Variants in MEF2C observed in about 807,000 individuals in gnomAD.
The protein encoded by MEF2C is myocyte-specific enhancer factor 2C.
Under a neutral mutation model 50.5 loss-of-function variants are expected in MEF2C, and 6 were observed. The observed-to-expected ratio is 0.12, with a 90% CI of 0.07 to 0.23. The LOEUF (loss-of-function observed/expected upper bound fraction) is 0.23. MEF2C is among the 10% of genes least tolerant of loss of function. MEF2C has a pLI of 1.00. For synonymous variants in MEF2C, 183 were observed against 228.0 expected (o/e 0.80, Z 1.78); for missense variants, 276 against 605.0 (o/e 0.46, Z 5.70).
At chr5:88,845,075 GAT>G (rs1176440584) in intron 1 of MEF2C, among the ~76,000 whole-genome samples, 1 of 152,156 alleles carries the variant, frequency 6.6e-6, no homozygotes, top group East Asian at 1.9e-4. Context: ...CTTTACAATA[GAT>G]AGGATACTAA....
rs964567403 is a variant in MEF2C, at chr5:88,893,690, G to A, written c.-239-6092C>T. ...GCATAGATCTATATGCTTTCAATAC[G>A]TAATTTTATAGAAATTGTGGAACAA... is the stretch of plus-strand genomic sequence containing the variant. On this transcript the variant is annotated intron_variant, in intron 1 of 11. Transcript: ENST00000340208. 7.2e-5 allele frequency among the ~76,000 whole-genome samples: 11 copies of A among 152,082 alleles called. No homozygotes were observed. The East Asian group carries it at 7.7e-4, about 11-fold the overall frequency.
At chr5:88,764,079 T>C (rs1373822563) in intron 3 of MEF2C, among the ~76,000 whole-genome samples, 1 of 152,242 alleles carries the variant, frequency 6.6e-6, no homozygotes, top group Non-Finnish European at 1.5e-5. Flanking sequence ...GTAAAAATTA[T>C]AGTTGTTTTG....
chr5:88,735,677 T>C, intron 6 of MEF2C: 1 of 985,432 alleles, frequency 1.0e-6, no homozygotes, highest in Non-Finnish European at 1.2e-6. Flanking sequence ...TACATAGAAC[T>C]TGAATGTGGT....
chr5:88,862,943 G>T (rs755795097), intron 1 of MEF2C, among the ~76,000 whole-genome samples: 2 of 152,172 alleles, frequency 1.3e-5, no homozygotes, highest in Non-Finnish European at 2.9e-5. Context: ...GAAGTTCTGG[G>T]CAAGGCCTGC....
chr5:88,750,211 T>TA (rs1772032980), intron 5 of MEF2C: 1 of 531,230 alleles, frequency 1.9e-6, no homozygotes, highest in South Asian at 8.3e-5. Flanking sequence ...TACACGATTT[T>TA]TTTTTTTTTT....
chr5:88,743,467 C>T, intron 6 of MEF2C: 6 of 985,336 alleles, frequency 6.1e-6, no homozygotes, highest in Non-Finnish European at 7.2e-6. Context: ...CTGACCTTTC[C>T]TCTTTCCACT....
intron 1 of MEF2C, among the ~76,000 whole-genome samples, chr5:88,860,653 C>T (rs753589181): frequency 4.6e-5 from 7 of 152,122 alleles, no homozygotes; most frequent in Non-Finnish European, 7.4e-5. Flanking sequence ...GAAGTGTTGG[C>T]CCCACCACAT....
intron 1 of MEF2C, among the ~76,000 whole-genome samples, chr5:88,900,083 T>G (rs1387951848): frequency 2.0e-5 from 3 of 152,102 alleles, no homozygotes; most frequent in Non-Finnish European, 2.9e-5. Flanking sequence ...AAATAAATTC[T>G]TATAAATTCA....
At chr5:88,819,008 G>T in intron 2 of MEF2C, among the ~76,000 whole-genome samples, 1 of 151,938 alleles carries the variant, frequency 6.6e-6, no homozygotes, top group Admixed American at 6.6e-5. Flanking sequence ...TTGTCTTAAA[G>T]ACCTAATGAG....
intron 1 of MEF2C, among the ~76,000 whole-genome samples, chr5:88,827,476 T>G (rs970115756): frequency 5.3e-5 from 8 of 152,012 alleles, no homozygotes; most frequent in African/African-American, 1.9e-4. Flanking sequence ...CAGAACCGTC[T>G]GAGTGTGCTG....
At chr5:88,755,003 C>T (rs1774642306) in intron 4 of MEF2C, among the ~76,000 whole-genome samples, 1 of 152,162 alleles carries the variant, frequency 6.6e-6, no homozygotes. Context: ...ACGCTGACCA[C>T]CCTATTTAAT....
intron 3 of MEF2C, among the ~76,000 whole-genome samples, chr5:88,769,452 G>GTT (rs1297614486): frequency 6.6e-6 from 1 of 152,080 alleles, no homozygotes; most frequent in Non-Finnish European, 1.5e-5. Flanking sequence ...ACCCGGACAG[G>GTT]GCATGCATCA....
In MEF2C at chr5:88,729,288, T is replaced by C; in HGVS notation, c.894A>G (p.Val298=). Residue 298 remains valine, a synonymous_variant, in exon 9 of 11, where the codon GTA becomes GTG. Transcript: ENST00000504921. ...AQSLATPVVS[V]ATPTLPGQGM... ...CTTGTCCTGGTAAAGTAGGAGTTGC[T>C]ACGGAAACCACTGGGGTAGCCAATG... The C allele has an allele frequency of 2.5e-6, 4 of 1,612,962 alleles. No individual in the cohort carries two copies. Among genetic ancestry groups the C allele is most frequent in the Non-Finnish European group, 3.4e-6 (4 of 1,179,368 alleles).
In MEF2C at chr5:88,718,220, A is replaced by C. The variant is rs548642007; in HGVS notation, c.*4384T>G. ...TAAACAGCAAAACATTAATTTAAAA[A>C]AATGCACCACGGACACTGCATCACT... On this transcript the variant is annotated 3_prime_UTR_variant, in exon 11 of 11. Coordinates refer to ENST00000504921, the MANE Select transcript of MEF2C (RefSeq NM_002397.5). The C allele has an allele frequency of 6.6e-6, 1 of 152,358 alleles. No individual in the cohort carries two copies. Among genetic ancestry groups the C allele is most frequent in the Admixed American group, 6.5e-5 (1 of 15,304 alleles). 9.4% of individuals were successfully genotyped at this position (152,358 alleles called of 1,614,324 possible). A position where few individuals can be genotyped will look rare whatever the true frequency, so the allele number is the denominator to read the frequency against.
chr5:88,838,248 T>A (rs749634711), intron 1 of MEF2C, among the ~76,000 whole-genome samples: 3 of 152,210 alleles, frequency 2.0e-5, no homozygotes, highest in Non-Finnish European at 4.4e-5. Context: ...CTTCAACTCA[T>A]CTCACATTTT....
At chr5:88,741,212 C>A (rs1766607745) in intron 6 of MEF2C, 2 of 985,266 alleles carry the variant, frequency 2.0e-6, no homozygotes, top group African/African-American at 3.5e-5. Flanking sequence ...ACTGGAACTG[C>A]ATTAAGCTAA....
chr5:88,728,353 T>G, intron 10 of MEF2C, 140 bp downstream of exon 10: 2 of 648,138 alleles, frequency 3.1e-6, no homozygotes, highest in Non-Finnish European at 4.5e-6. Flanking sequence ...TGAAAAGTAT[T>G]GATCTGAAAA....
At chr5:88,814,537 G>T (rs1368124039) in intron 2 of MEF2C, among the ~76,000 whole-genome samples, 1 of 151,762 alleles carries the variant, frequency 6.6e-6, no homozygotes, top group South Asian at 2.1e-4. Context: ...CCTCCGTTTC[G>T]CTGAAATACA....
intron 1 of MEF2C, among the ~76,000 whole-genome samples, chr5:88,871,382 T>C (rs1829466229): frequency 6.6e-6 from 1 of 151,852 alleles, no homozygotes; most frequent in Non-Finnish European, 1.5e-5. Flanking sequence ...TTAAAGCTTT[T>C]AGAGGCGTCC....
Sources: gnomAD v4.1 joint callset for allele counts (sites outside exome capture counted in the v4.1 genomes callset) on GRCh38, gnomAD v4.1.1 for gene constraint, MANE v1.5 for transcripts, NCBI Gene and HGNC (gene_info 2026-07-23, HGNC 2026-07-21) for gene names.